ADAM22: variants seen among roughly 807,000 people sequenced by gnomAD.
ADAM22 encodes the protein ADAM metallopeptidase domain 22.
In ADAM22, 65 loss-of-function variants were observed where a neutral mutation model predicts 144.6. The observed-to-expected ratio is 0.45, with a 90% CI of 0.37 to 0.55. ADAM22 has a LOEUF of 0.55. ADAM22 is among the 20% of genes least tolerant of loss of function. ADAM22 has a pLI of 0.00. For missense variants in ADAM22, 974 were observed against 1,184.9 expected (o/e 0.82, Z 2.61); for synonymous variants, 391 against 412.6 (o/e 0.95, Z 0.63).
chr7:88,163,222 C>A, intron 23 of ADAM22, 42 bp downstream of exon 23: 3 of 1,496,170 alleles, frequency 2.0e-6, no homozygotes, highest in Non-Finnish European at 2.7e-6. Flanking sequence ...TCTTTTATAT[C>A]ACAGAAATAG....
At chr7:87,956,565 C>T (rs922919381) in intron 2 of ADAM22, among the ~76,000 whole-genome samples, 1 of 152,128 alleles carries the variant, frequency 6.6e-6, no homozygotes, top group Non-Finnish European at 1.5e-5. Context: ...GAAACCTTTT[C>T]ATCACTTCAA....
At chr7:88,049,254 T>G (rs1805523788) in intron 3 of ADAM22, among the ~76,000 whole-genome samples, 1 of 152,224 alleles carries the variant, frequency 6.6e-6, no homozygotes, top group Non-Finnish European at 1.5e-5. Flanking sequence ...AATGGGGAGT[T>G]AGAATATTTC....
Position 87,934,422 on chromosome 7 carries a change from T to A in ADAM22, c.-44T>A. ...GGAAACGGACTCGGCGGCGCCGGCA[T>A]GAGGAGCTGAGCGTCTCGGGCGAGG... On this transcript the variant is annotated 5_prime_UTR_variant, in exon 1 of 32. An upstream start codon of the reference 5' UTR is lost. Coordinates refer to ENST00000413139, the MANE Select transcript of ADAM22 (RefSeq NM_001324418.2). 6.4e-7 allele frequency: 1 copy of A among 1,551,168 alleles called. No individual in the cohort carries two copies. The highest frequency in any genetic ancestry group is 8.7e-7 in the Non-Finnish European group (1 of 1,152,762).
chr7:88,023,833 T>A (rs1798379549), intron 3 of ADAM22, among the ~76,000 whole-genome samples: 1 of 143,844 alleles, frequency 7.0e-6, no homozygotes, highest in Non-Finnish European at 1.6e-5. Flanking sequence ...ACTTCCCCCC[T>A]ACCCTCCTGT....
intron 4 of ADAM22, among the ~76,000 whole-genome samples, chr7:88,083,416 C>T (rs1180221658): frequency 6.6e-6 from 1 of 151,768 alleles, no homozygotes; most frequent in African/African-American, 2.4e-5. Context: ...TGCAGCACAC[C>T]AACATGGCAC....
At chr7:88,097,894 G>A (rs1821856364) in intron 4 of ADAM22, among the ~76,000 whole-genome samples, 1 of 152,096 alleles carries the variant, frequency 6.6e-6, no homozygotes, top group Admixed American at 6.6e-5. Context: ...CCTGGAAAGA[G>A]TTATAATTTC....
chr7:88,152,354 G>C (rs997682152), intron 20 of ADAM22, among the ~76,000 whole-genome samples: 1 of 152,040 alleles, frequency 6.6e-6, no homozygotes, highest in Admixed American at 6.5e-5. Flanking sequence ...TTTTAGAAAA[G>C]ATAAAAGCCT....
chr7:88,120,173 A>T (rs990014533), intron 7 of ADAM22, among the ~76,000 whole-genome samples: 4 of 151,526 alleles, frequency 2.6e-5, no homozygotes, highest in African/African-American at 7.3e-5. Flanking sequence ...GTTTTTTTTT[A>T]ATATATATAT....
chr7:88,044,306 G>A (rs1385893562), intron 3 of ADAM22, among the ~76,000 whole-genome samples: 1 of 152,208 alleles, frequency 6.6e-6, no homozygotes, highest in Non-Finnish European at 1.5e-5. Context: ...TGATGATGAT[G>A]TCTTTAGAGT....
Position 88,116,828 on chromosome 7 carries a change from A to T in ADAM22, c.607+14A>T, listed in dbSNP as rs765418379. The T allele has an allele frequency of 3.8e-6, 6 of 1,592,162 alleles. No individual in the cohort carries two copies. The highest frequency in any genetic ancestry group is 5.2e-6 in the Non-Finnish European group (6 of 1,161,078). On this transcript the variant is annotated intron_variant, in intron 7 of 31. Transcript: ENST00000413139. ...ATCTTCCATCTGGTATGATGTTCAT[A>T]TAGTGACTTTTTATCTAAAAGACAA...
At chr7:87,964,575 C>A in intron 2 of ADAM22, 1 of 388,518 alleles carries the variant, frequency 2.6e-6, no homozygotes, top group South Asian at 2.0e-5. Context: ...ATTTTTCAAC[C>A]CCTTAGGTTT....
At chr7:88,055,812 T>A (rs2129475665) in intron 3 of ADAM22, among the ~76,000 whole-genome samples, 1 of 152,336 alleles carries the variant, frequency 6.6e-6, no homozygotes, top group Admixed American at 6.5e-5. Flanking sequence ...GCCCTTTTAA[T>A]TGTACATACC....
At chr7:88,047,816 T>C (rs1387952271) in intron 3 of ADAM22, among the ~76,000 whole-genome samples, 2 of 152,224 alleles carry the variant, frequency 1.3e-5, no homozygotes, top group East Asian at 3.9e-4. Context: ...ATTACACGTA[T>C]GCAGGGCACT....
chr7:88,162,788 A>C (rs1043624515), intron 22 of ADAM22, among the ~76,000 whole-genome samples: 1 of 152,070 alleles, frequency 6.6e-6, no homozygotes, highest in African/African-American at 2.4e-5. Context: ...GGCCCCAGTT[A>C]TAGTAATTAC....
At chr7:88,031,132 A>G (rs1403947656) in intron 3 of ADAM22, among the ~76,000 whole-genome samples, 3 of 152,100 alleles carry the variant, frequency 2.0e-5, no homozygotes, top group Non-Finnish European at 4.4e-5. Flanking sequence ...AAACAAACAA[A>G]CAAACAAAAA....
Position 88,196,615 on chromosome 7 carries a change from A to G in ADAM22, c.*124A>G. ...CAATACGAAGACCCTCTGAGATGCT[A>G]CAGAGGAGAGGAAGCGGAGTTTCAC... On this transcript the variant is annotated 3_prime_UTR_variant, in exon 32 of 32. Transcript: ENST00000413139. 9.3e-7 allele frequency: 1 copy of G among 1,072,834 alleles called. No homozygotes were observed. Among genetic ancestry groups the G allele is most frequent in the Non-Finnish European group, 1.4e-6 (1 of 706,840 alleles). 66.5% of individuals were successfully genotyped at this position (1,072,834 alleles called of 1,614,324 possible).
chr7:88,035,245 T>C (rs1350770081), intron 3 of ADAM22, among the ~76,000 whole-genome samples: 1 of 152,226 alleles, frequency 6.6e-6, no homozygotes, highest in Non-Finnish European at 1.5e-5. Context: ...GCAAACACTG[T>C]AGGAAGGAAA....
In ADAM22 at chr7:88,056,797, A is replaced by T. The variant is rs192347827; in HGVS notation, c.324-18829A>T. The stretch of plus-strand genomic sequence containing the variant: ...GTAAAATCTGGCAGGAGAGCAAAGC[A>T]TATTTAACTTTTATGTTTGTAGTTT... On this transcript the variant is annotated intron_variant, in intron 3 of 31. Transcript: ENST00000413139. 4.4e-3 allele frequency among the ~76,000 whole-genome samples: 675 copies of T among 152,344 alleles called. 3 individuals carry two copies. Among genetic ancestry groups the T allele is most frequent in the African/African-American group, 0.015 (640 of 41,586 alleles).
At chr7:88,145,000 A>G in intron 15 of ADAM22, 125 bp from the exon 16 acceptor site, 1 of 743,010 alleles carries the variant, frequency 1.3e-6, no homozygotes. Flanking sequence ...CTAGTTTAGG[A>G]AAATAAAACT....
Sources: allele counts gnomAD v4.1 joint callset (sites outside exome capture counted in the v4.1 genomes callset), GRCh38; gene constraint gnomAD v4.1.1; transcripts MANE v1.5; gene names NCBI Gene and HGNC (gene_info 2026-07-23, HGNC 2026-07-21).